AGMO: variants seen among roughly 807,000 people sequenced by gnomAD.
AGMO encodes alkylglycerol monooxygenase.
A neutral mutation model predicts 60.2 loss-of-function variants in AGMO; 75 were observed. The ratio of observed to expected loss-of-function variants is 1.25; its 90% confidence interval spans 1.03 to 1.51. The LOEUF is 1.51. AGMO is among the 40% of genes most tolerant of loss of function. The probability of loss-of-function intolerance (pLI) is 0.00; values close to 1 mark genes in which losing one functional copy is unlikely to be tolerated. For missense variants in AGMO, 763 were observed against 525.5 expected (o/e 1.45, Z -4.42); for synonymous variants, 261 against 177.1 (o/e 1.47, Z -3.76).
chr7:15,465,743 G>A (rs1782267185), intron 3 of AGMO, among the ~76,000 whole-genome samples: 2 of 151,750 alleles, frequency 1.3e-5, no homozygotes, highest in South Asian at 2.1e-4. Context: ...CCACACCTAA[G>A]TCTCATATAT....
intron 12 of AGMO, among the ~76,000 whole-genome samples, chr7:15,313,075 A>AT (rs1183791497): frequency 3.3e-5 from 5 of 152,190 alleles, no homozygotes; most frequent in African/African-American, 1.2e-4. Flanking sequence ...ATACATGGAC[A>AT]TATCTATGGG....
intron 12 of AGMO, among the ~76,000 whole-genome samples, chr7:15,260,963 CT>C (rs557776559): frequency 1.3e-5 from 2 of 151,940 alleles, no homozygotes; most frequent in Non-Finnish European, 2.9e-5. Context: ...ATTATTTGAA[CT>C]GAATGATAAT....
At chr7:15,439,240 T>C (rs1333100430) in intron 3 of AGMO, among the ~76,000 whole-genome samples, 1 of 151,908 alleles carries the variant, frequency 6.6e-6, no homozygotes, top group Non-Finnish European at 1.5e-5. Context: ...CTACTAAAAA[T>C]ACAAAAATTA....
chr7:15,237,306 T>A (rs1351429239), intron 12 of AGMO, among the ~76,000 whole-genome samples: 2 of 152,256 alleles, frequency 1.3e-5, no homozygotes, highest in African/African-American at 4.8e-5. Context: ...TCAGAAACAT[T>A]TTCACTAGAA....
chr7:15,297,685 C>T (rs1296752321), intron 12 of AGMO, among the ~76,000 whole-genome samples: 2 of 152,084 alleles, frequency 1.3e-5, no homozygotes, highest in Admixed American at 1.3e-4. Flanking sequence ...TCCTGGGAAA[C>T]TTTGATCACT....
chr7:15,190,574 C>T, the AGMO span, among the ~76,000 whole-genome samples: 1 of 152,048 alleles, frequency 6.6e-6, no homozygotes, highest in African/African-American at 2.4e-5. Flanking sequence ...TTGTAAAATT[C>T]TTCTAAGATT....
chr7:15,250,245 C>T (rs1563054628), intron 12 of AGMO, among the ~76,000 whole-genome samples: 3 of 152,018 alleles, frequency 2.0e-5, no homozygotes, highest in African/African-American at 7.2e-5. Context: ...AATTGGTTAT[C>T]AAAAAAGTAT....
intron 10 of AGMO, among the ~76,000 whole-genome samples, chr7:15,371,389 ATT>A (rs528877003): frequency 7.0e-6 from 1 of 142,972 alleles, no homozygotes; most frequent in African/African-American, 2.6e-5. Flanking sequence ...CGCACAGCTA[ATT>A]TTTTTTTTTT....
intron 2 of AGMO, among the ~76,000 whole-genome samples, chr7:15,546,386 C>A (rs1784783185): frequency 6.6e-6 from 1 of 152,170 alleles, no homozygotes; most frequent in Non-Finnish European, 1.5e-5. Flanking sequence ...AAGTCCTTGA[C>A]CCAAAGGACT....
chr7:15,226,866 G>C (rs779107033), intron 12 of AGMO, among the ~76,000 whole-genome samples: 9 of 151,902 alleles, frequency 5.9e-5, no homozygotes, highest in Non-Finnish European at 1.0e-4. Flanking sequence ...GGCAGAAAAC[G>C]TCATTATAAA....
At chr7:15,453,333 A>C (rs1781904539) in intron 3 of AGMO, among the ~76,000 whole-genome samples, 1 of 152,236 alleles carries the variant, frequency 6.6e-6, no homozygotes, top group South Asian at 2.1e-4. Flanking sequence ...TCACTTAACT[A>C]AAGCAAAAGG....
chr7:15,546,901 G>A (rs75338925), intron 2 of AGMO, among the ~76,000 whole-genome samples: 5,124 of 152,228 alleles, frequency 0.034, 294 homozygotes, highest in African/African-American at 0.12. Context: ...GTTGGAAGAG[G>A]CTGTTTGGTG....
At chr7:15,301,750 T>G (rs559635607) in intron 12 of AGMO, among the ~76,000 whole-genome samples, 3 of 152,092 alleles carry the variant, frequency 2.0e-5, no homozygotes, top group African/African-American at 7.2e-5. Flanking sequence ...TACATAACAG[T>G]GAAACCAATC....
the AGMO span, among the ~76,000 whole-genome samples, chr7:15,148,275 C>A: frequency 1.3e-5 from 2 of 151,696 alleles, no homozygotes; most frequent in Non-Finnish European, 2.9e-5. Flanking sequence ...TGCTCTTATT[C>A]TTCAAAGATA....
chr7:15,321,326 C>G (rs542931007), intron 12 of AGMO, among the ~76,000 whole-genome samples: 1 of 152,268 alleles, frequency 6.6e-6, no homozygotes, highest in South Asian at 2.1e-4. Context: ...ATGCACCTTT[C>G]TAAAACTCTA....
chr7:15,510,408 G>A (rs1334958416), intron 3 of AGMO, among the ~76,000 whole-genome samples: 1 of 151,714 alleles, frequency 6.6e-6, no homozygotes, highest in Non-Finnish European at 1.5e-5. Flanking sequence ...GAACTCCTGG[G>A]CTCAAACAAT....
intron 5 of AGMO, among the ~76,000 whole-genome samples, chr7:15,404,357 T>C (rs1366572746): frequency 3.3e-5 from 5 of 152,086 alleles, no homozygotes; most frequent in South Asian, 2.1e-4. Context: ...TATTTGAATT[T>C]GTTTCAGCAT....
chr7:15,547,687 T>G (rs994476866), intron 2 of AGMO, among the ~76,000 whole-genome samples: 1 of 151,960 alleles, frequency 6.6e-6, no homozygotes, highest in African/African-American at 2.4e-5. Context: ...TCTCGCTGAT[T>G]GCTAGCACAG....
chr7:15,145,913 A>G, the AGMO span, among the ~76,000 whole-genome samples: 1 of 152,140 alleles, frequency 6.6e-6, no homozygotes, highest in Non-Finnish European at 1.5e-5. Context: ...ATTGTTTATC[A>G]TTATCTCAAA....
Sources: gnomAD v4.1 joint callset for allele counts (sites outside exome capture counted in the v4.1 genomes callset) on GRCh38, gnomAD v4.1.1 for gene constraint, MANE v1.5 for transcripts, NCBI Gene and HGNC (gene_info 2026-07-23, HGNC 2026-07-21) for gene names.